Variants in FMR1 observed in about 807,000 individuals in gnomAD.
The protein encoded by FMR1 is fragile X messenger ribonucleoprotein 1, also known as FMRP translational regulator 1.
A neutral mutation model predicts 50.6 loss-of-function variants in FMR1; 13 were observed. The ratio of observed to expected loss-of-function variants is 0.26; its 90% CI spans 0.17 to 0.41. The LOEUF is 0.41. Ranked by LOEUF, FMR1 falls within the 10% of genes least tolerant of loss-of-function variation. FMR1 has a pLI of 1.00. For synonymous variants in FMR1, 138 were observed against 164.1 expected (o/e 0.84, Z 1.22); for missense variants, 316 against 491.3 (o/e 0.64, Z 3.37).
Position 147,949,662 on chromosome X carries a change from A to T in FMR1, c.*818A>T. 1 of 329,598 alleles carries T rather than the reference A, an allele frequency of 3.0e-6. No individual in the cohort carries two copies. 27.2% of individuals were successfully genotyped at this position (329,598 alleles called of 1,213,427 possible). On this transcript the variant is annotated 3_prime_UTR_variant, in exon 17 of 17. Coordinates refer to ENST00000370475, the MANE Select transcript of FMR1 (RefSeq NM_002024.6). ...TGTGTAATTTTTCTGTATAGACAGGAGAAGAAAGAACTATCTTCATCTGAG... is the reference window on the plus strand; with the variant it reads ...TGTGTAATTTTTCTGTATAGACAGGTGAAGAAAGAACTATCTTCATCTGAG...
At chrX:147,938,210 T>G (rs1557180040) in intron 12 of FMR1, 49 bp downstream of exon 12, 1 of 952,262 alleles carries the variant, frequency 1.1e-6, no homozygotes, top group Non-Finnish European at 1.5e-6. Context: ...TATTTTAATG[T>G]TTATTCCCCT....
At chrX:147,948,128 A>G (rs1234001884) in intron 16 of FMR1, among the ~76,000 whole-genome samples, 1 of 112,248 alleles carries the variant, frequency 8.9e-6, no homozygotes, top group African/African-American at 3.2e-5. Context: ...AGTAGAAACC[A>G]AAGCTCGTGT....
chrX:147,938,226 A>C, intron 12 of FMR1, 65 bp downstream of exon 12: 3 of 876,447 alleles, frequency 3.4e-6, no homozygotes, highest in Non-Finnish European at 5.1e-6. Flanking sequence ...CCCCTTGTTA[A>C]CAAAGATTAC....
At chrX:147,943,405 C>T (rs782293202) in intron 14 of FMR1, 79 bp downstream of exon 14, 24 of 880,659 alleles carry the variant, frequency 2.7e-5, no homozygotes, top group South Asian at 1.9e-4. Flanking sequence ...TCATTAGAAC[C>T]CCATTATAAC....
chrX:147,948,689 G>A lies in FMR1; in HGVS notation c.1744G>A (p.Val582Ile). ...CAACTATAACTTGTTTTAGATCAGA[G>A]TTGACTGCAATAATGAAAGGAGTGT... ...RTTDGSLQIR[V>I]DCNNERSVHT... is the part of the protein sequence containing the mutation. The change falls in exon 17 of 17, where the codon GTT (valine) becomes ATT (isoleucine). Residue 582 changes from valine (V) to isoleucine (I), a missense_variant. Val to Ile is a conservative substitution (Grantham distance 29). This residue lies in a region of FMR1 where 124 missense variants were observed against 160.8 expected (regional missense o/e 0.77). Coordinates refer to ENST00000370475, the MANE Select transcript of FMR1 (RefSeq NM_002024.6). The A allele has an allele frequency of 1.7e-6, 2 of 1,211,684 alleles. No individual in the cohort carries two copies. The highest frequency in any genetic ancestry group is 2.2e-6 in the Non-Finnish European group (2 of 895,497).
chrX:147,939,655 G>T (rs1045783274), intron 12 of FMR1, among the ~76,000 whole-genome samples: 15 of 110,008 alleles, frequency 1.4e-4, no homozygotes, highest in Non-Finnish European at 2.7e-4. Context: ...CCGACACTTT[G>T]GGAGGCCAAG....
chrX:147,924,489 G>A (rs1557177119), intron 2 of FMR1, among the ~76,000 whole-genome samples: 1 of 91,582 alleles, frequency 1.1e-5, no homozygotes, highest in Non-Finnish European at 2.1e-5. Context: ...GTGTGTGTGT[G>A]TGTGTGTGTG....
At chrX:147,939,902 C>CA (rs782544831) in intron 12 of FMR1, among the ~76,000 whole-genome samples, 1,536 of 45,444 alleles carry the variant, frequency 0.034, 80 homozygotes, top group African/African-American at 0.12. Context: ...GACCCTGTCT[C>CA]AAAAAAAAAA....
chrX:147,920,282 C>G (rs1248866625), intron 1 of FMR1, among the ~76,000 whole-genome samples: 1 of 111,633 alleles, frequency 9.0e-6, no homozygotes, highest in Non-Finnish European at 1.9e-5. Flanking sequence ...TATACTTTCC[C>G]CATTGAATTG....
rs2043798388 is a variant in FMR1 at position 147,936,648 on chromosome X, A to G, written c.990+35A>G. 3.4e-6 allele frequency: 3 copies of G among 891,687 alleles called. No homozygotes were observed. In the African/African-American group the frequency reaches 5.9e-5, roughly 17 times the overall value. 73.5% of individuals were successfully genotyped at this position (891,687 alleles called of 1,213,427 possible). On this transcript the variant is annotated intron_variant, in intron 10 of 16. Coordinates refer to ENST00000370475, the MANE Select transcript of FMR1 (RefSeq NM_002024.6). ...AGTGCGAATATTTTGTGGCACATATAATAAAAGTAAAAGTTTTTTATGTGA... is the reference window on the plus strand; with the variant it reads ...AGTGCGAATATTTTGTGGCACATATGATAAAAGTAAAAGTTTTTTATGTGA...
chrX:147,942,980 A>G (rs1557181215), intron 13 of FMR1, 151 bp from the exon 14 acceptor site: 11 of 485,700 alleles, frequency 2.3e-5, no homozygotes, highest in African/African-American at 2.4e-5. Context: ...AGATCATTCA[A>G]TTTCCTGATA....
At chrX:147,912,470 T>C (rs2042630477) in intron 1 of FMR1, among the ~76,000 whole-genome samples, 2 of 111,682 alleles carry the variant, frequency 1.8e-5, no homozygotes, top group Non-Finnish European at 3.8e-5. Flanking sequence ...GAGGGTTCTC[T>C]TTCGGCGCCG....
At position 147,932,779 on chromosome X, in the gene FMR1, C is replaced by G; in HGVS notation, c.880+16C>G. 9.2e-7 allele frequency: 1 copy of G among 1,085,519 alleles called. No homozygotes were observed. The highest frequency in any genetic ancestry group is 1.3e-6 in the Non-Finnish European group (1 of 782,109). The allele number at this position is 1,085,519 out of a possible 1,213,427, so 89.5% of individuals were successfully genotyped here. A position where few individuals can be genotyped will look rare whatever the true frequency, so the allele number is the denominator to read the frequency against. On this transcript the variant is annotated intron_variant, in intron 9 of 16. Transcript: ENST00000370475. ...AACTTAGTAGGTAAGTCAGAAGTAT[C>G]TGTTGACATATAGTACAACAACTAA... is the stretch of plus-strand genomic sequence containing the variant.
At chrX:147,921,888 CTATCTT>C (rs782327658) in intron 1 of FMR1, 39 bp from the exon 2 acceptor site, 1 of 899,312 alleles carries the variant, frequency 1.1e-6, no homozygotes, top group Non-Finnish European at 1.6e-6. Context: ...AAAACAAAAA[CTATCTT>C]TAAGCTCACA....
chrX:147,943,140 C>A lies in FMR1; in HGVS notation c.1285C>A (p.Gln429Lys). Residue 429 changes from glutamine to lysine, a missense_variant, in exon 14 of 17, where the codon CAG (glutamine) becomes AAG (lysine). Coordinates refer to ENST00000370475, the MANE Select transcript of FMR1 (RefSeq NM_002024.6). ...YHLNYLKEVD[Q>K]LRLERLQIDE... ...TGTATATTTTAAATAGGAAGTAGAC[C>A]AGTTGCGTTTGGAGAGATTACAAAT... 8.3e-7 allele frequency: 1 copy of A among 1,202,944 alleles called. No homozygotes were observed. Among genetic ancestry groups the A allele is most frequent in the East Asian group, 3.0e-5 (1 of 33,779 alleles).
chrX:147,924,512 TA>T (rs1300864133), intron 2 of FMR1, among the ~76,000 whole-genome samples: 14 of 36,637 alleles, frequency 3.8e-4, no homozygotes, highest in Middle Eastern at 0.015. Flanking sequence ...TATATATATA[TA>T]TATTTTTTTT....
At chrX:147,928,568 AGATT>A (rs2043471736) in intron 4 of FMR1, 87 bp from the exon 5 acceptor site, 1 of 899,168 alleles carries the variant, frequency 1.1e-6, no homozygotes, top group Non-Finnish European at 1.6e-6. Context: ...TTTTTCACAT[AGATT>A]ATTTATTTTA....
chrX:147,948,369 A>T (rs1557182531), intron 16 of FMR1: 10 of 768,559 alleles, frequency 1.3e-5, no homozygotes, highest in Non-Finnish European at 1.5e-5. Context: ...CAGTAATAGT[A>T]ATTCATTTTA....
At chrX:147,919,792 G>A (rs2043067086) in intron 1 of FMR1, among the ~76,000 whole-genome samples, 1 of 111,549 alleles carries the variant, frequency 9.0e-6, no homozygotes, top group Non-Finnish European at 1.9e-5. Flanking sequence ...TGTTTTCCAG[G>A]GCCCTGTCTC....
Sources: allele counts gnomAD v4.1 joint callset (sites outside exome capture counted in the v4.1 genomes callset), GRCh38; gene constraint gnomAD v4.1.1; regional missense constraint gnomAD v4.1.1; transcripts MANE v1.5; gene names NCBI Gene and HGNC (gene_info 2026-07-23, HGNC 2026-07-21).